Variants in UBTD1 observed in about 807,000 individuals in gnomAD.
UBTD1 encodes ubiquitin domain containing 1, also known as ubiquitin domain-containing protein 1.
In UBTD1, 19 loss-of-function variants were observed where a neutral mutation model predicts 21.7. The observed-to-expected ratio is 0.87, with a 90% CI of 0.61 to 1.28. The LOEUF is 1.28. UBTD1 is among the 50% of genes most tolerant of loss of function. UBTD1 has a pLI of 0.00. For synonymous variants in UBTD1, 116 were observed against 135.1 expected (o/e 0.86, Z 0.98); for missense variants, 282 against 315.1 (o/e 0.89, Z 0.80).
intron 1 of UBTD1, among the ~76,000 whole-genome samples, chr10:97,556,738 T>C (rs1365590233): frequency 6.6e-6 from 1 of 152,238 alleles, no homozygotes; most frequent in Admixed American, 6.5e-5. Flanking sequence ...ACCTGTCCAC[T>C]GATCAGGCAG....
chr10:97,546,774 A>G (rs1355473809), intron 1 of UBTD1, among the ~76,000 whole-genome samples: 1 of 151,952 alleles, frequency 6.6e-6, no homozygotes, highest in East Asian at 1.9e-4. Flanking sequence ...TCCCATTGGC[A>G]TATTCTTCAG....
intron 1 of UBTD1, among the ~76,000 whole-genome samples, chr10:97,517,823 C>CCAACCTGAGGGT (rs2135662123): frequency 1.3e-5 from 2 of 152,220 alleles, no homozygotes; most frequent in Admixed American, 1.3e-4. Context: ...ACTGCATAGG[C>CCAACCTGAGGGT]CTAGGATCCC....
rs372886064 is a variant in UBTD1 at position 97,533,769 on chromosome 10, G to A, written c.71-34145G>A. Among the ~76,000 whole-genome samples, 40 of 151,918 alleles carry A rather than the reference G, an allele frequency of 2.6e-4. No homozygotes were observed. In the East Asian group the frequency reaches 2.7e-3, roughly 10 times the overall value. On this transcript the variant is annotated intron_variant, in intron 1 of 2. Coordinates refer to ENST00000370664, the MANE Select transcript of UBTD1 (RefSeq NM_024954.5). ...TGAAACCCGTCTCTACTAAAAATAC[G>A]AAAATTAGCTGGGTGTGGTGGTGCA... is the stretch of plus-strand genomic sequence containing the variant.
At chr10:97,525,528 G>A (rs1222188351) in intron 1 of UBTD1, among the ~76,000 whole-genome samples, 1 of 152,222 alleles carries the variant, frequency 6.6e-6, no homozygotes. Context: ...GAAGCTCATG[G>A]AGGGCTAGTG....
At chr10:97,545,387 C>CGTGTGTGTGT (rs1554866775) in intron 1 of UBTD1, among the ~76,000 whole-genome samples, 9 of 120,742 alleles carry the variant, frequency 7.5e-5, no homozygotes, top group African/African-American at 3.1e-4. Flanking sequence ...GTATGGGGCT[C>CGTGTGTGTGT]GTGTGTGTGT....
intron 1 of UBTD1, among the ~76,000 whole-genome samples, chr10:97,561,451 G>A (rs1035930120): frequency 2.6e-5 from 4 of 152,112 alleles, no homozygotes; most frequent in Non-Finnish European, 4.4e-5. Context: ...CACAATTTCT[G>A]TCCCTTTTAA....
chr10:97,544,268 G>A (rs1392379993), intron 1 of UBTD1, among the ~76,000 whole-genome samples: 1 of 148,330 alleles, frequency 6.7e-6, no homozygotes, highest in Non-Finnish European at 1.5e-5. Context: ...ACTTCAACCT[G>A]GGTGACGAGA....
chr10:97,509,428 C>T (rs2040412572), intron 1 of UBTD1, among the ~76,000 whole-genome samples: 1 of 152,308 alleles, frequency 6.6e-6, no homozygotes, highest in East Asian at 1.9e-4. Context: ...CCACACACAG[C>T]ACGGCGCCCA....
intron 1 of UBTD1, among the ~76,000 whole-genome samples, chr10:97,536,492 C>A (rs1157772007): frequency 6.6e-6 from 1 of 152,184 alleles, no homozygotes; most frequent in Non-Finnish European, 1.5e-5. Context: ...TTTAAAATGA[C>A]CCCTGCCCAC....
chr10:97,565,455 C>A (rs2040712552), intron 1 of UBTD1, among the ~76,000 whole-genome samples: 2 of 152,226 alleles, frequency 1.3e-5, no homozygotes, highest in South Asian at 4.1e-4. Context: ...TTGCTTCCTT[C>A]CCATTTTCCC....
At chr10:97,523,295 G>A (rs1329732945) in intron 1 of UBTD1, among the ~76,000 whole-genome samples, 1 of 152,180 alleles carries the variant, frequency 6.6e-6, no homozygotes. Context: ...AGGTCAACAA[G>A]GTGGCCATCT....
chr10:97,550,091 C>T (rs1418971894), intron 1 of UBTD1, among the ~76,000 whole-genome samples: 4 of 152,180 alleles, frequency 2.6e-5, no homozygotes, highest in African/African-American at 7.2e-5. Context: ...GGGCCCTTGC[C>T]GGCCAGCTGT....
chr10:97,533,880 G>A (rs543355518), intron 1 of UBTD1, among the ~76,000 whole-genome samples: 108 of 148,870 alleles, frequency 7.3e-4, no homozygotes, highest in Non-Finnish European at 1.2e-3. Flanking sequence ...CTGAGATCAC[G>A]CCACTGCACT....
At chr10:97,547,708 G>T (rs1344230840) in intron 1 of UBTD1, among the ~76,000 whole-genome samples, 1 of 152,080 alleles carries the variant, frequency 6.6e-6, no homozygotes, top group Non-Finnish European at 1.5e-5. Flanking sequence ...GGGACTACAG[G>T]CATATGCCAC....
chr10:97,561,171 G>T (rs1176258351), intron 1 of UBTD1, among the ~76,000 whole-genome samples: 3 of 152,178 alleles, frequency 2.0e-5, no homozygotes, highest in East Asian at 3.9e-4. Context: ...CGTTCCACCG[G>T]GTCAATTTCC....
intron 1 of UBTD1, among the ~76,000 whole-genome samples, chr10:97,549,091 C>T (rs78632785): frequency 0.013 from 1,951 of 152,290 alleles, 21 homozygotes; most frequent in South Asian, 0.027. Context: ...CCCCCTTGTC[C>T]GTATCTGTGG....
chr10:97,501,833 T>C (rs1589865442), intron 1 of UBTD1, among the ~76,000 whole-genome samples: 1 of 152,176 alleles, frequency 6.6e-6, no homozygotes, highest in African/African-American at 2.4e-5. Flanking sequence ...TGAAGCACCT[T>C]GCCTGACAAG....
rs7893588 is a variant in UBTD1, at chr10:97,528,066, T to A, written c.70+28793T>A. ...TCACCTCCCGGACGGGGCGGCTGGC[T>A]GGGCGGGGGGCTGACTCCCCCACCT... On this transcript the variant is annotated intron_variant, in intron 1 of 2. Coordinates refer to ENST00000370664, the MANE Select transcript of UBTD1 (RefSeq NM_024954.5). 3.9e-5 allele frequency among the ~76,000 whole-genome samples: 5 copies of A among 127,026 alleles called. 1 individual carries two copies. Among genetic ancestry groups the A allele is most frequent in the African/African-American group, 1.2e-4 (4 of 32,296 alleles). 83.3% of individuals were successfully genotyped at this position (127,026 alleles called of 152,430 possible).
intron 1 of UBTD1, among the ~76,000 whole-genome samples, chr10:97,532,905 C>T (rs917637311): frequency 1.3e-5 from 2 of 152,240 alleles, no homozygotes; most frequent in African/African-American, 4.8e-5. Context: ...TCTCGGGCCC[C>T]TACCAAGGGC....
Sources: gnomAD v4.1 joint callset for allele counts (sites outside exome capture counted in the v4.1 genomes callset) on GRCh38, gnomAD v4.1.1 for gene constraint, MANE v1.5 for transcripts, NCBI Gene and HGNC (gene_info 2026-07-23, HGNC 2026-07-21) for gene names.